The following OSBP variants were observed in gnomAD, a reference collection of about 807,000 sequenced individuals.
OSBP encodes the protein oxysterol-binding protein 1.
A neutral mutation model predicts 96.6 loss-of-function variants in OSBP; 32 were observed. The observed-to-expected ratio is 0.33, with a 90% CI of 0.25 to 0.45. The LOEUF (loss-of-function observed/expected upper bound fraction) is 0.45. Ranked by LOEUF, OSBP falls within the 20% of genes least tolerant of loss-of-function variation. The pLI is 1.00. For missense variants in OSBP, 653 were observed against 1,029.7 expected (o/e 0.63, Z 5.01); for synonymous variants, 369 against 389.6 (o/e 0.95, Z 0.62).
At chr11:59,591,845 T>C (rs993213379) in intron 9 of OSBP, among the ~76,000 whole-genome samples, 2 of 152,148 alleles carry the variant, frequency 1.3e-5, no homozygotes, top group Non-Finnish European at 2.9e-5. Context: ...GGTCTCAAAC[T>C]CCTGACCTCA....
chr11:59,605,536 C>G (rs1012390449), intron 3 of OSBP, among the ~76,000 whole-genome samples: 2 of 152,194 alleles, frequency 1.3e-5, no homozygotes, highest in Non-Finnish European at 2.9e-5. Context: ...CCTCAGTCAC[C>G]ATGTCTGGCT....
intron 7 of OSBP, among the ~76,000 whole-genome samples, chr11:59,598,447 G>A (rs1860683477): frequency 1.3e-5 from 2 of 152,134 alleles, no homozygotes; most frequent in South Asian, 2.1e-4. Context: ...TCTACAACTG[G>A]TAGAACCCTT....
chr11:59,593,646 T>C lies in OSBP; in HGVS notation c.1636A>G (p.Thr546Ala), dbSNP rs748962701. The part of the protein sequence containing the change: ...GWTLRQEIKI[T>A]SKFRGKYLSI... ...AGGTATTTGCCTCGAAACTTGCTGG[T>C]GATTTTGATTTCCTGACGCAATGTC... is the stretch of plus-strand genomic sequence containing the variant. Residue 546 changes from threonine to alanine, a missense_variant, in exon 9 of 14, where the codon ACC (threonine) becomes GCC (alanine). Physicochemically the swap from Thr to Ala is moderately conservative, Grantham distance 58. Coordinates refer to ENST00000263847, the MANE Select transcript of OSBP (RefSeq NM_002556.3). 8.7e-6 allele frequency: 14 copies of C among 1,614,072 alleles called. No individual in the cohort carries two copies. Among genetic ancestry groups the C allele is most frequent in the Non-Finnish European group, 1.2e-5 (14 of 1,179,986 alleles).
At chr11:59,604,960 T>C (rs1860763682) in intron 3 of OSBP, among the ~76,000 whole-genome samples, 1 of 151,764 alleles carries the variant, frequency 6.6e-6, no homozygotes, top group Admixed American at 6.6e-5. Flanking sequence ...AAGACCAGCC[T>C]GGCCAAGATG....
rs1860344683 is a variant in OSBP, at chr11:59,575,074, CA to C, written c.*1502del. On this transcript the variant is annotated 3_prime_UTR_variant, in exon 14 of 14. Coordinates refer to ENST00000263847, the MANE Select transcript of OSBP (RefSeq NM_002556.3). ...GAAGGAAGCCAGGGCCCCACAGGAG[CA>C]ATTATCTGATCCACCCCACATGACG... is the stretch of plus-strand genomic sequence containing the variant. 6.6e-6 allele frequency: 1 copy of C among 152,030 alleles called. No homozygotes were observed. The highest frequency in any genetic ancestry group is 1.5e-5 in the Non-Finnish European group (1 of 68,038). 9.4% of individuals were successfully genotyped at this position (152,030 alleles called of 1,614,324 possible).
chr11:59,602,533 A>T (rs1435183327), intron 3 of OSBP, among the ~76,000 whole-genome samples: 2 of 152,256 alleles, frequency 1.3e-5, no homozygotes, highest in Non-Finnish European at 2.9e-5. Context: ...GGTTATGAAC[A>T]TAAAGAGACC....
At chr11:59,586,124 C>T (rs1290346904) in intron 9 of OSBP, among the ~76,000 whole-genome samples, 2 of 149,790 alleles carry the variant, frequency 1.3e-5, no homozygotes, top group Non-Finnish European at 3.0e-5. Flanking sequence ...TATGACCCTG[C>T]CAAATCCCCC....
At chr11:59,597,738 G>A (rs958546799) in intron 7 of OSBP, among the ~76,000 whole-genome samples, 5 of 152,076 alleles carry the variant, frequency 3.3e-5, no homozygotes, top group African/African-American at 4.8e-5. Flanking sequence ...AGACAGTCTC[G>A]CTTGTTGTCA....
At chr11:59,583,291 G>T (rs1037293501) in intron 9 of OSBP, among the ~76,000 whole-genome samples, 1 of 152,116 alleles carries the variant, frequency 6.6e-6, no homozygotes, top group South Asian at 2.1e-4. Context: ...CAGCCTGGAC[G>T]ACAGAGCAAG....
chr11:59,595,391 AAC>A (rs1429765186), intron 7 of OSBP, among the ~76,000 whole-genome samples: 1 of 152,110 alleles, frequency 6.6e-6, no homozygotes, highest in East Asian at 1.9e-4. Flanking sequence ...AAACAAAAAA[AAC>A]ACAACACTTT....
intron 12 of OSBP, 24 bp from the exon 13 acceptor site, chr11:59,577,049 G>A (rs1860369339): frequency 5.0e-6 from 8 of 1,595,074 alleles, no homozygotes; most frequent in African/African-American, 1.3e-5. Context: ...ACAAGAAAAA[G>A]AAATGGTAAT....
At chr11:59,589,608 AT>A (rs1860552461) in intron 9 of OSBP, among the ~76,000 whole-genome samples, 1 of 152,098 alleles carries the variant, frequency 6.6e-6, no homozygotes, top group African/African-American at 2.4e-5. Flanking sequence ...CTCAAAAAAA[AT>A]AAATAAATAA....
In OSBP at chr11:59,576,866, C is replaced by T. The variant is rs1361773554; in HGVS notation, c.2220G>A (p.Glu740=). Residue 740 remains glutamate (E), a synonymous_variant, in exon 13 of 14, where the codon GAG becomes GAA. Coordinates refer to ENST00000263847, the MANE Select transcript of OSBP (RefSeq NM_002556.3). ...TCTTTCTGGAAAGTCTTTGTTTTTC[C>T]TCCAGGCGCTGCTTCTCCGCATTTG... ...DEANAEKQRL[E]EKQRLSRKKR... The T allele has an allele frequency of 6.2e-7, 1 of 1,614,056 alleles. No homozygotes were observed. Among genetic ancestry groups the T allele is most frequent in the African/African-American group, 1.3e-5 (1 of 74,926 alleles).
At chr11:59,580,040 T>TATGTACACATACACTATATAAA in intron 11 of OSBP, 134 bp downstream of exon 11, 1 of 698,906 alleles carries the variant, frequency 1.4e-6, no homozygotes, top group East Asian at 2.7e-5. Flanking sequence ...TGAATCACTA[T>TATGTACACATACACTATATAAA]ATGTACACAT....
At chr11:59,589,742 T>C (rs1019481849) in intron 9 of OSBP, among the ~76,000 whole-genome samples, 9 of 152,092 alleles carry the variant, frequency 5.9e-5, no homozygotes, top group African/African-American at 1.9e-4. Context: ...CCCAGCACTT[T>C]GGGAGGCCAA....
intron 1 of OSBP, among the ~76,000 whole-genome samples, chr11:59,611,135 C>CAAAAAAAAAAAAAAAAAAAA (rs35074206): frequency 1.7e-5 from 1 of 60,104 alleles, no homozygotes; most frequent in Non-Finnish European, 3.9e-5. Context: ...AACTCCGTCT[C>CAAAAAAAAAAAAAAAAAAAA]AAAAAAAAAA....
chr11:59,603,200 T>C (rs1238124742), intron 3 of OSBP, among the ~76,000 whole-genome samples: 2 of 152,188 alleles, frequency 1.3e-5, no homozygotes, highest in East Asian at 1.9e-4. Context: ...TAAAAACACA[T>C]TTTTGAGTTT....
At chr11:59,583,944 T>TTG (rs992015372) in intron 9 of OSBP, among the ~76,000 whole-genome samples, 2 of 146,174 alleles carry the variant, frequency 1.4e-5, no homozygotes, top group African/African-American at 5.1e-5. Context: ...GATGGTGTTT[T>TTG]TTTTTTTTTT....
At position 59,601,888 on chromosome 11, in the gene OSBP, C is replaced by A. The variant is rs751454319; in HGVS notation, c.823-50G>T. 4.5e-6 allele frequency: 7 copies of A among 1,548,260 alleles called. No homozygotes were observed. In the African/African-American group the frequency reaches 5.5e-5, roughly 12 times the overall value. On this transcript the variant is annotated intron_variant, in intron 3 of 13. Coordinates refer to ENST00000263847, the MANE Select transcript of OSBP (RefSeq NM_002556.3). ...GTCAGCTCAACTAGTCAGAGTTTCC[C>A]CTCAGGCTTCTGCAAGCCCATTGAG...
Sources: allele counts gnomAD v4.1 joint callset (sites outside exome capture counted in the v4.1 genomes callset), GRCh38; gene constraint gnomAD v4.1.1; transcripts MANE v1.5; gene names NCBI Gene and HGNC (gene_info 2026-07-23, HGNC 2026-07-21).